PIK3C2A: variants seen among roughly 807,000 people sequenced by gnomAD.
The protein encoded by PIK3C2A is phosphatidylinositol 4-phosphate 3-kinase C2 domain-containing subunit alpha.
A neutral mutation model predicts 204.5 loss-of-function variants in PIK3C2A; 97 were observed. The ratio of observed to expected loss-of-function variants is 0.47; its 90% confidence interval spans 0.40 to 0.56. PIK3C2A has a LOEUF of 0.56. PIK3C2A is among the 20% of genes least tolerant of loss of function. The pLI is 0.00. For synonymous variants in PIK3C2A, 653 were observed against 664.4 expected (o/e 0.98, Z 0.26); for missense variants, 1,735 against 1,969.2 (o/e 0.88, Z 2.25).
intron 12 of PIK3C2A, among the ~76,000 whole-genome samples, chr11:17,131,695 A>C (rs1044817524): frequency 6.6e-6 from 1 of 152,184 alleles, no homozygotes; most frequent in African/African-American, 2.4e-5. Flanking sequence ...TGCTGGGATT[A>C]CAGGTGTGAG....
intron 20 of PIK3C2A, among the ~76,000 whole-genome samples, chr11:17,113,802 C>T (rs1213162951): frequency 6.9e-6 from 1 of 145,362 alleles, no homozygotes; most frequent in Admixed American, 6.9e-5. Context: ...AAAAAAAAGG[C>T]CAGGCATGGT....
At chr11:17,180,515 C>A (rs867582378) in intron 1 of PIK3C2A, among the ~76,000 whole-genome samples, 1 of 139,788 alleles carries the variant, frequency 7.2e-6, no homozygotes, top group African/African-American at 2.7e-5. Flanking sequence ...ACAACAACAA[C>A]AACAACAAAA....
rs1390124337 is a variant in PIK3C2A, at chr11:17,086,600, A to G, written c.*3138T>C. The G allele has an allele frequency of 6.6e-6, 1 of 152,244 alleles. No homozygotes were observed. Among genetic ancestry groups the G allele is most frequent in the Non-Finnish European group, 1.5e-5 (1 of 68,038 alleles). 9.4% of individuals were successfully genotyped at this position (152,244 alleles called of 1,614,324 possible). On this transcript the variant is annotated 3_prime_UTR_variant, in exon 33 of 33. Coordinates refer to ENST00000691414, the MANE Select transcript of PIK3C2A (RefSeq NM_002645.4). ...TTTTATTCCAGAAATATTTTAATAC[A>G]ATCGTAGTACAGTTATGAAGTCACA... is the stretch of plus-strand genomic sequence containing the variant.
intron 22 of PIK3C2A, among the ~76,000 whole-genome samples, chr11:17,107,052 G>A (rs1848844411): frequency 6.6e-6 from 1 of 152,124 alleles, no homozygotes; most frequent in Non-Finnish European, 1.5e-5. Context: ...GGTGGCTCAT[G>A]CCTGTAATCC....
At chr11:17,112,082 T>G (rs545516040) in intron 21 of PIK3C2A, among the ~76,000 whole-genome samples, 6 of 152,214 alleles carry the variant, frequency 3.9e-5, no homozygotes, top group African/African-American at 1.4e-4. Context: ...TTTATGAACC[T>G]CCACGTGTCC....
At chr11:17,114,635 TATAA>T (rs1405333793) in intron 19 of PIK3C2A, among the ~76,000 whole-genome samples, 170 bp from the exon 20 acceptor site, 2 of 152,230 alleles carry the variant, frequency 1.3e-5, no homozygotes, top group African/African-American at 4.8e-5. Flanking sequence ...GGCCAAAGGC[TATAA>T]ATATAGTGGG....
At chr11:17,187,305 CAG>C (rs1851784881) in intron 1 of PIK3C2A, among the ~76,000 whole-genome samples, 2 of 152,108 alleles carry the variant, frequency 1.3e-5, no homozygotes, top group Admixed American at 6.6e-5. Context: ...TCAGAAACTA[CAG>C]AGAGATGACA....
At chr11:17,137,411 A>T (rs1035384667) in intron 8 of PIK3C2A, among the ~76,000 whole-genome samples, 7 of 72,512 alleles carry the variant, frequency 9.7e-5, no homozygotes, top group African/African-American at 3.1e-4. Context: ...ATATTACTTC[A>T]TATTACTTTG....
chr11:17,200,223 C>T (rs528967525), intron 1 of PIK3C2A, among the ~76,000 whole-genome samples: 3 of 151,542 alleles, frequency 2.0e-5, no homozygotes, highest in Admixed American at 1.3e-4. Flanking sequence ...TCGTCTTGAT[C>T]GAAATCTTCA....
intron 1 of PIK3C2A, among the ~76,000 whole-genome samples, chr11:17,196,859 G>A (rs569221727): frequency 7.2e-5 from 11 of 151,964 alleles, no homozygotes; most frequent in African/African-American, 2.2e-4. Flanking sequence ...CGTGAGAGGC[G>A]TGAGCCACCG....
intron 22 of PIK3C2A, among the ~76,000 whole-genome samples, chr11:17,109,786 T>C (rs906809018): frequency 6.6e-6 from 1 of 152,106 alleles, no homozygotes; most frequent in African/African-American, 2.4e-5. Context: ...TCCTCCTGCC[T>C]TGGCCTCCTA....
chr11:17,115,616 G>A (rs1222152606), intron 19 of PIK3C2A: 4 of 150,038 alleles, frequency 2.7e-5, no homozygotes, highest in African/African-American at 9.8e-5. Flanking sequence ...TGAGAGTCTA[G>A]AAAAAAACCC....
At chr11:17,101,007 C>T (rs909586635) in intron 25 of PIK3C2A, among the ~76,000 whole-genome samples, 2 of 152,182 alleles carry the variant, frequency 1.3e-5, no homozygotes, top group Non-Finnish European at 2.9e-5. Context: ...AGATGCCTGC[C>T]TTGGGGTCCA....
At chr11:17,124,119 G>C (rs558362945) in intron 13 of PIK3C2A, among the ~76,000 whole-genome samples, 1 of 152,062 alleles carries the variant, frequency 6.6e-6, no homozygotes, top group South Asian at 2.1e-4. Context: ...CTGAAGCCTT[G>C]AACTCCTGAG....
chr11:17,101,422 A>C lies in PIK3C2A; in HGVS notation c.3864T>G (p.Pro1288=). 8 of 1,531,746 alleles carry C rather than the reference A, an allele frequency of 5.2e-6. No individual in the cohort carries two copies. The highest frequency in any genetic ancestry group is 7.1e-6 in the Non-Finnish European group (8 of 1,125,006). 94.9% of individuals were successfully genotyped at this position (1,531,746 alleles called of 1,614,324 possible). A position where few individuals can be genotyped will look rare whatever the true frequency, so the allele number is the denominator to read the frequency against. Residue 1288 remains proline, a synonymous_variant, in exon 25 of 33, where the codon CCT becomes CCG. Transcript: ENST00000691414. The part of the protein sequence containing the change: ...MFGSFKRDRA[P]FVLTSDMAYV... ...ATGCCATATCAGAGGTCAGCACAAA[A>C]GGAGCCCGATCCCTATTTAAAATGA...
intron 6 of PIK3C2A, among the ~76,000 whole-genome samples, chr11:17,146,340 C>A (rs973197804): frequency 1.8e-4 from 28 of 152,042 alleles, no homozygotes; most frequent in African/African-American, 6.8e-4. Context: ...TAATGATAAT[C>A]AATTTTCCTC....
intron 2 of PIK3C2A, among the ~76,000 whole-genome samples, chr11:17,158,869 T>C (rs548859379): frequency 5.3e-4 from 81 of 152,300 alleles, no homozygotes; most frequent in African/African-American, 1.8e-3. Context: ...AGTTACGAGT[T>C]TGAATTAACA....
At chr11:17,108,814 T>C (rs957717313) in intron 22 of PIK3C2A, among the ~76,000 whole-genome samples, 7 of 152,276 alleles carry the variant, frequency 4.6e-5, no homozygotes, top group East Asian at 1.9e-4. Flanking sequence ...CCTGAACCAT[T>C]TGCAAGGAGA....
intron 1 of PIK3C2A, among the ~76,000 whole-genome samples, chr11:17,176,208 T>A (rs1851335066): frequency 6.6e-6 from 1 of 151,858 alleles, no homozygotes; most frequent in Admixed American, 6.6e-5. Context: ...GGTTTCACCA[T>A]GTTGGCCAGG....
Sources: gnomAD v4.1 joint callset for allele counts (sites outside exome capture counted in the v4.1 genomes callset) on GRCh38, gnomAD v4.1.1 for gene constraint, MANE v1.5 for transcripts, NCBI Gene and HGNC (gene_info 2026-07-23, HGNC 2026-07-21) for gene names.